The following ZMAT4 variants were observed in gnomAD, a reference collection of about 807,000 sequenced individuals.
ZMAT4 encodes zinc finger matrin-type protein 4.
In ZMAT4, 17 loss-of-function variants were observed where a neutral mutation model predicts 28.7. The ratio of observed to expected loss-of-function variants is 0.59; its 90% CI spans 0.41 to 0.89. ZMAT4 has a LOEUF of 0.89. ZMAT4 is among the 40% of genes least tolerant of loss of function. ZMAT4 has a pLI of 0.00. For missense variants in ZMAT4, 240 were observed against 283.8 expected (o/e 0.85, Z 1.11); for synonymous variants, 117 against 109.2 (o/e 1.07, Z -0.44).
At chr8:40,607,643 CT>C (rs1270262255) in intron 5 of ZMAT4, among the ~76,000 whole-genome samples, 1 of 152,072 alleles carries the variant, frequency 6.6e-6, no homozygotes, top group Non-Finnish European at 1.5e-5. Context: ...CTGGTTCCTT[CT>C]CATTTGGGTA....
At chr8:40,712,163 T>C (rs1250238565) in intron 3 of ZMAT4, among the ~76,000 whole-genome samples, 1 of 152,132 alleles carries the variant, frequency 6.6e-6, no homozygotes, top group East Asian at 1.9e-4. Context: ...GGAGTTCAAT[T>C]GAGATAAGCC....
At chr8:40,590,518 T>A (rs887699194) in intron 5 of ZMAT4, among the ~76,000 whole-genome samples, 2 of 152,106 alleles carry the variant, frequency 1.3e-5, no homozygotes, top group Non-Finnish European at 2.9e-5. Flanking sequence ...CATTGGAATA[T>A]GCATTCAAGC....
intron 6 of ZMAT4, among the ~76,000 whole-genome samples, chr8:40,570,974 C>T (rs527393417): frequency 9.9e-5 from 15 of 152,176 alleles, no homozygotes; most frequent in East Asian, 3.9e-4. Flanking sequence ...GAAGCAGCAT[C>T]GTAAGAACAT....
intron 3 of ZMAT4, among the ~76,000 whole-genome samples, chr8:40,701,776 C>T (rs996186597): frequency 1.3e-5 from 2 of 152,026 alleles, no homozygotes; most frequent in African/African-American, 4.8e-5. Context: ...CCTTGGCCTC[C>T]CAAAGTGCTG....
chr8:40,851,040 A>G (rs2150635289), intron 1 of ZMAT4, among the ~76,000 whole-genome samples: 2 of 152,322 alleles, frequency 1.3e-5, no homozygotes, highest in Middle Eastern at 6.8e-3. Flanking sequence ...AGTTAACTAT[A>G]TTTTGGCCAG....
intron 6 of ZMAT4, among the ~76,000 whole-genome samples, chr8:40,578,653 G>T (rs1319401027): frequency 6.6e-6 from 1 of 152,048 alleles, no homozygotes; most frequent in Non-Finnish European, 1.5e-5. Context: ...GCCCGCACAT[G>T]ATATGCAAAT....
chr8:40,857,919 T>C (rs184320660), intron 1 of ZMAT4, among the ~76,000 whole-genome samples: 529 of 152,332 alleles, frequency 3.5e-3, no homozygotes, highest in Non-Finnish European at 4.8e-3. Context: ...CATTACAATG[T>C]GCATACTGTA....
At chr8:40,872,041 GT>G (rs1817876300) in intron 1 of ZMAT4, among the ~76,000 whole-genome samples, 1 of 152,220 alleles carries the variant, frequency 6.6e-6, no homozygotes, top group Non-Finnish European at 1.5e-5. Context: ...AAATTCAGAA[GT>G]TCTGGCAGCT....
intron 3 of ZMAT4, among the ~76,000 whole-genome samples, chr8:40,722,104 A>G (rs1439594849): frequency 6.6e-6 from 1 of 152,056 alleles, no homozygotes; most frequent in African/African-American, 2.4e-5. Context: ...CATTCAGGAC[A>G]TAGGCATGGG....
chr8:40,562,219 T>C (rs2118472819), intron 6 of ZMAT4, among the ~76,000 whole-genome samples: 1 of 152,290 alleles, frequency 6.6e-6, no homozygotes, highest in Admixed American at 6.5e-5. Context: ...TCAAAAGCAC[T>C]GTGTCTAAAA....
chr8:40,855,374 C>G (rs747614042), intron 1 of ZMAT4, among the ~76,000 whole-genome samples: 23 of 152,086 alleles, frequency 1.5e-4, no homozygotes, highest in Middle Eastern at 3.2e-3. Flanking sequence ...CCCTCTGGCT[C>G]TCTGTTGCTA....
At chr8:40,799,565 T>C (rs1347924419) in intron 2 of ZMAT4, among the ~76,000 whole-genome samples, 1 of 152,194 alleles carries the variant, frequency 6.6e-6, no homozygotes, top group Non-Finnish European at 1.5e-5. Flanking sequence ...TAAAGGCAGA[T>C]ATTTTAAAAA....
chr8:40,589,223 A>C (rs1008120208), intron 5 of ZMAT4, among the ~76,000 whole-genome samples: 28 of 152,178 alleles, frequency 1.8e-4, no homozygotes, highest in African/African-American at 6.5e-4. Flanking sequence ...TACTATTGTT[A>C]TACCGATTTA....
chr8:40,860,093 C>T lies in ZMAT4; in HGVS notation c.-4-34413G>A, dbSNP rs144964560. On this transcript the variant is annotated intron_variant, in intron 1 of 6. Transcript: ENST00000297737. ...TGGAGCAAGACATAGATCTTTTCAG[C>T]CTCAGTTTCCACATCTGAAAATATG... Among the ~76,000 whole-genome samples the T allele has an allele frequency of 5.8e-4, 89 of 152,334 alleles. 1 individual carries two copies. The highest frequency in any genetic ancestry group is 2.1e-3 in the African/African-American group (87 of 41,568).
intron 4 of ZMAT4, among the ~76,000 whole-genome samples, chr8:40,689,206 C>T (rs1035172924): frequency 6.6e-6 from 1 of 152,182 alleles, no homozygotes; most frequent in African/African-American, 2.4e-5. Context: ...CAGGGCTGGA[C>T]CTCCAGCTTG....
chr8:40,825,077 A>G (rs1271593071), intron 2 of ZMAT4, among the ~76,000 whole-genome samples: 4 of 152,176 alleles, frequency 2.6e-5, no homozygotes, highest in South Asian at 2.1e-4. Context: ...CTTGATTGTG[A>G]TAAGCACATG....
chr8:40,697,056 G>A (rs1157441574), intron 4 of ZMAT4, 189 bp downstream of exon 4: 1 of 537,838 alleles, frequency 1.9e-6, no homozygotes, highest in Non-Finnish European at 3.2e-6. Context: ...ATGAGCACCT[G>A]AAATGGTATT....
intron 1 of ZMAT4, among the ~76,000 whole-genome samples, chr8:40,863,026 G>A (rs969989354): frequency 6.6e-6 from 1 of 152,142 alleles, no homozygotes; most frequent in African/African-American, 2.4e-5. Flanking sequence ...ACTAATGGTT[G>A]GAAGCAGGTG....
chr8:40,587,580 T>C (rs1248115617), intron 5 of ZMAT4, among the ~76,000 whole-genome samples: 1 of 152,086 alleles, frequency 6.6e-6, no homozygotes, highest in African/African-American at 2.4e-5. Context: ...TTGTACACTG[T>C]AATCTCTTAG....
Sources: allele counts gnomAD v4.1 joint callset (sites outside exome capture counted in the v4.1 genomes callset), GRCh38; gene constraint gnomAD v4.1.1; transcripts MANE v1.5; gene names NCBI Gene and HGNC (gene_info 2026-07-23, HGNC 2026-07-21).